Variants in FNDC1 observed in about 807,000 individuals in gnomAD.
FNDC1 encodes the protein fibronectin type III domain-containing protein 1.
FNDC1 carries 96 observed loss-of-function variants against 168.0 expected under a neutral mutation model. That is an observed-to-expected ratio of 0.57 (90% CI 0.48 to 0.68). The LOEUF (loss-of-function observed/expected upper bound fraction) is 0.68, where lower values mean the gene tolerates loss of function less well. Among genes scored for constraint, FNDC1 ranks in the 30% least tolerant of loss-of-function variants. FNDC1 has a pLI of 0.00. For synonymous variants in FNDC1, 1,099 were observed against 1,025.9 expected (o/e 1.07, Z -1.36); for missense variants, 2,587 against 2,482.1 (o/e 1.04, Z -0.90).
At chr6:159,175,753 T>C (rs1781748546) in intron 1 of FNDC1, among the ~76,000 whole-genome samples, 1 of 152,224 alleles carries the variant, frequency 6.6e-6, no homozygotes, top group Non-Finnish European at 1.5e-5. Context: ...CGGTGCTCGG[T>C]GTCTAACCTG....
At position 159,239,700 on chromosome 6, in the gene FNDC1, C is replaced by G. The variant is rs1562304577; in HGVS notation, c.4364C>G (p.Thr1455Ser). Reference protein sequence around the residue: ...HPPTTTMQPTTTTTPLPTTTT... With the variant: ...HPPTTTMQPTSTTTPLPTTTT... ...CCTACCACTACCATGCAGCCCACCA[C>G]TACTACGACGCCCCTGCCTACCACT... Residue 1455 changes from threonine to serine, a missense_variant, in exon 14 of 23, where the codon ACT becomes AGT. Coordinates refer to ENST00000297267, the MANE Select transcript of FNDC1 (RefSeq NM_032532.3). 6 of 1,551,150 alleles carry G rather than the reference C, an allele frequency of 3.9e-6. No homozygotes were observed. Among genetic ancestry groups the G allele is most frequent in the Non-Finnish European group, 3.5e-6 (4 of 1,146,998 alleles).
At chr6:159,229,230 C>G (rs1406317193) in intron 9 of FNDC1, among the ~76,000 whole-genome samples, 1 of 152,184 alleles carries the variant, frequency 6.6e-6, no homozygotes, top group Non-Finnish European at 1.5e-5. Context: ...AAATCTATTA[C>G]TTAACAACTT....
rs545451383 is a variant in FNDC1, at chr6:159,271,417, G to A, written c.5660G>A (p.Gly1887Glu). Residue 1887 changes from glycine to glutamate, a missense_variant, in exon 23 of 23, where the codon GGG (glycine) becomes GAG (glutamate). By Grantham distance (98) the Gly-to-Glu change is moderately conservative. Transcript: ENST00000297267. ...TACTATGTGGGCTGGTACGAGTGTG[G>A]GGTCTCCATCCCTGGAAAGTGGTAA... is the stretch of plus-strand genomic sequence containing the variant. Reference protein sequence around the residue: ...PYYYVGWYECGVSIPGKW With the variant: ...PYYYVGWYECEVSIPGKW 2.5e-6 allele frequency: 4 copies of A among 1,610,848 alleles called. No individual in the cohort carries two copies. In the East Asian group the frequency reaches 8.9e-5, roughly 36 times the overall value.
In FNDC1 at chr6:159,255,827, G is replaced by A. The variant is rs564968382; in HGVS notation, c.5066-696G>A. On this transcript the variant is annotated intron_variant, in intron 17 of 22. Coordinates refer to ENST00000297267, the MANE Select transcript of FNDC1 (RefSeq NM_032532.3). ...ATAAAAGACCTAGGATATGGGATGC[G>A]CTGAGCTGTGGGATGAACTTTACTT... Among the ~76,000 whole-genome samples, 9 of 152,334 alleles carry A rather than the reference G, an allele frequency of 5.9e-5. No individual in the cohort carries two copies. The East Asian group carries it at 1.4e-3, about 23-fold the overall frequency.
At chr6:159,251,618 C>T in intron 17 of FNDC1, 86 bp downstream of exon 17, 1 of 1,168,826 alleles carries the variant, frequency 8.6e-7, no homozygotes, top group Non-Finnish European at 1.2e-6. Context: ...TGGATGGGTG[C>T]ATGCATGGAT....
intron 14 of FNDC1, among the ~76,000 whole-genome samples, chr6:159,242,159 G>A (rs1783435999): frequency 6.6e-6 from 1 of 152,162 alleles, no homozygotes. Context: ...AGCCATAAAA[G>A]GAATGAGATT....
intron 1 of FNDC1, among the ~76,000 whole-genome samples, chr6:159,195,337 G>A (rs959865830): frequency 1.4e-5 from 2 of 141,236 alleles, no homozygotes; most frequent in Admixed American, 1.5e-4. Context: ...AGGATGCGCA[G>A]CCCAAGGTGA....
At position 159,197,604 on chromosome 6, in the gene FNDC1, T is replaced by A; in HGVS notation, c.283T>A (p.Ser95Thr). ...CATCAAGGTGAATGCGGAGACATACTCCTTCCTTATTGAGGATGTGGGTAA... is the reference window on the plus strand; with the variant it reads ...CATCAAGGTGAATGCGGAGACATACACCTTCCTTATTGAGGATGTGGGTAA... Reference protein sequence around the residue: ...KYIKVNAETYSFLIEDVEPGV... With the variant: ...KYIKVNAETYTFLIEDVEPGV... Residue 95 changes from serine (S) to threonine (T), a missense_variant, in exon 2 of 23, where the codon TCC becomes ACC. Transcript: ENST00000297267. The A allele has an allele frequency of 1.2e-6, 2 of 1,612,654 alleles. No homozygotes were observed. Among genetic ancestry groups the A allele is most frequent in the Non-Finnish European group, 1.7e-6 (2 of 1,179,348 alleles).
chr6:159,212,447 A>G (rs1413682673), intron 4 of FNDC1, among the ~76,000 whole-genome samples: 1 of 152,200 alleles, frequency 6.6e-6, no homozygotes, highest in African/African-American at 2.4e-5. Flanking sequence ...CATCAGTTTA[A>G]AAGAGGATTA....
chr6:159,214,442 A>G (rs1297362567), intron 4 of FNDC1, among the ~76,000 whole-genome samples: 2 of 152,252 alleles, frequency 1.3e-5, no homozygotes, highest in Admixed American at 6.5e-5. Flanking sequence ...AGGCTTAGAC[A>G]TGGAAGAAAA....
chr6:159,218,847 A>G (rs530849401), intron 5 of FNDC1, among the ~76,000 whole-genome samples: 58 of 152,178 alleles, frequency 3.8e-4, no homozygotes, highest in African/African-American at 1.3e-3. Flanking sequence ...AGGAGGCTGC[A>G]GGACAGGGAG....
At chr6:159,203,744 G>T (rs1363488531) in intron 4 of FNDC1, among the ~76,000 whole-genome samples, 1 of 152,040 alleles carries the variant, frequency 6.6e-6, no homozygotes, top group Non-Finnish European at 1.5e-5. Flanking sequence ...AGTTGTTTTG[G>T]CTTTTTTTGT....
intron 2 of FNDC1, among the ~76,000 whole-genome samples, chr6:159,198,638 T>C (rs73593366): frequency 6.6e-6 from 1 of 152,228 alleles, no homozygotes; most frequent in African/African-American, 2.4e-5. Flanking sequence ...TCATATCTCC[T>C]TGCTCAAACC....
intron 19 of FNDC1, among the ~76,000 whole-genome samples, chr6:159,261,871 G>T (rs573564042): frequency 2.2e-4 from 33 of 152,292 alleles, no homozygotes; most frequent in African/African-American, 7.9e-4. Context: ...GGAAGCCAAG[G>T]TGGGATGATC....
In FNDC1 at chr6:159,239,568, A is replaced by C; in HGVS notation, c.4232A>C (p.Gln1411Pro). The C allele has an allele frequency of 1.2e-6, 2 of 1,603,064 alleles. No homozygotes were observed. The highest frequency in any genetic ancestry group is 1.7e-6 in the Non-Finnish European group (2 of 1,174,574). The change falls in exon 14 of 23, where the codon CAG (glutamine) becomes CCG (proline). Residue 1411 changes from glutamine (Q) to proline (P), a missense_variant. Coordinates refer to ENST00000297267, the MANE Select transcript of FNDC1 (RefSeq NM_032532.3). ...CCTGACGGCCTCCCACTCTTTGGGC[A>C]GGGGCGACATGGCACACCTCTGGCC... ...VSPDGLPLFG[Q>P]GRHGTPLANA...
chr6:159,193,691 G>T (rs1325190057), intron 1 of FNDC1, among the ~76,000 whole-genome samples: 1 of 152,174 alleles, frequency 6.6e-6, no homozygotes, highest in Non-Finnish European at 1.5e-5. Context: ...AGACATTGAA[G>T]AGCCATTGGA....
rs531796170 is a variant in FNDC1, at chr6:159,263,823, C to T, written c.5255-1152C>T. 5.9e-5 allele frequency among the ~76,000 whole-genome samples: 9 copies of T among 152,116 alleles called. 1 individual carries two copies. The highest frequency in any genetic ancestry group is 3.3e-4 in the Admixed American group (5 of 15,270). ...ATAAAAAATTAGCCAGGCATGATGG[C>T]GCATGCCTGTAATCTCAGCTACTCA... On this transcript the variant is annotated intron_variant, in intron 19 of 22. Coordinates refer to ENST00000297267, the MANE Select transcript of FNDC1 (RefSeq NM_032532.3).
chr6:159,230,082 C>T, intron 10 of FNDC1, 79 bp downstream of exon 10: 1 of 1,391,524 alleles, frequency 7.2e-7, no homozygotes, highest in African/African-American at 1.4e-5. Context: ...GAATCATGCT[C>T]TTGGGTTTGG....
intron 21 of FNDC1, 145 bp from the exon 22 acceptor site, chr6:159,267,659 C>A (rs1777617795): frequency 1.3e-6 from 1 of 789,928 alleles, no homozygotes; most frequent in East Asian, 2.7e-5. Flanking sequence ...GCCATTATCA[C>A]CATTTTCAGA....
Sources: allele counts gnomAD v4.1 joint callset (sites outside exome capture counted in the v4.1 genomes callset), GRCh38; gene constraint gnomAD v4.1.1; transcripts MANE v1.5; gene names NCBI Gene and HGNC (gene_info 2026-07-23, HGNC 2026-07-21).